IRF7: variants seen among roughly 807,000 people sequenced by gnomAD.
IRF7 encodes interferon regulatory factor 7.
In IRF7, 67 loss-of-function variants were observed where a neutral mutation model predicts 51.3. That is an observed-to-expected ratio of 1.31 (90% CI 1.07 to 1.60). IRF7 has a LOEUF of 1.60. Ranked by LOEUF, IRF7 falls within the 40% of genes most tolerant of loss-of-function variation. IRF7 has a pLI of 0.00. For missense variants in IRF7, 873 were observed against 701.5 expected (o/e 1.24, Z -2.76); for synonymous variants, 427 against 301.3 (o/e 1.42, Z -4.32).
chr11:613,341 C>T lies in IRF7; in HGVS notation c.1102G>A (p.Ala368Thr), dbSNP rs1386386997. The change falls in exon 9 of 11, where the codon GCC becomes ACC. Residue 368 changes from alanine (A) to threonine (T), a missense_variant. Transcript: ENST00000525445. The part of the protein sequence containing the change: ...HLELRGPQLW[A>T]RRMGKCKVYW... ...ACCTTGCACTTGCCCATGCGCCGGG[C>T]CCACAGCTGTGGCCCCCGAAGCTCC... 4 of 1,611,596 alleles carry T rather than the reference C, an allele frequency of 2.5e-6. No homozygotes were observed. The highest frequency in any genetic ancestry group is 3.4e-6 in the Non-Finnish European group (4 of 1,179,524).
At chr11:614,766 G>C (rs568772178) in intron 4 of IRF7, 31 bp downstream of exon 4, 26 of 1,520,510 alleles carry the variant, frequency 1.7e-5, no homozygotes, top group Non-Finnish European at 2.3e-5. Context: ...CAGGACGAAT[G>C]CCAACGCCCT....
At position 613,353 on chromosome 11, in the gene IRF7, G is replaced by GC. The variant is rs970393690; in HGVS notation, c.1089dup (p.Pro364AlafsTer38). Reference sequence around the variant, plus strand: ...CCCATGCGCCGGGCCCACAGCTGTGGCCCCCGAAGCTCCAGGTGCAACCCA... The same window carrying GC: ...CCCATGCGCCGGGCCCACAGCTGTGGCCCCCCGAAGCTCCAGGTGCAACCCA... On this transcript the variant is annotated frameshift_variant, in exon 9 of 11. Transcript: ENST00000525445. LOFTEE classifies it high-confidence loss of function. The GC allele has an allele frequency of 1.9e-5, 31 of 1,610,974 alleles. No homozygotes were observed. The highest frequency in any genetic ancestry group is 6.7e-5 in the Admixed American group (4 of 59,690).
Position 612,565 on chromosome 11 carries a change from TTC to T in IRF7, c.*78_*79del, listed in dbSNP as rs1856486981. On this transcript the variant is annotated 3_prime_UTR_variant, in exon 11 of 11. Transcript: ENST00000525445. ...CAAGATGCCAGTACGTGTTCTGGAG[TTC>T]TTTTTATTAGACTGGGCGGCCGCGG... 1 of 1,522,486 alleles carries T rather than the reference TTC, an allele frequency of 6.6e-7. No homozygotes were observed. The highest frequency in any genetic ancestry group is 2.3e-5 in the East Asian group (1 of 44,110). 94.3% of individuals were successfully genotyped at this position (1,522,486 alleles called of 1,614,324 possible).
At chr11:613,733 T>G (rs1856606017) in intron 8 of IRF7, 52 bp downstream of exon 8, 1 of 1,077,676 alleles carries the variant, frequency 9.3e-7, no homozygotes. Context: ...GGACAAGCCG[T>G]GAGTGACGGG....
Position 614,235 on chromosome 11 carries a change from G to T in IRF7, c.618C>A (p.Val206=). Residue 206 remains valine, a synonymous_variant, in exon 6 of 11, where the codon GTC becomes GTA. Coordinates refer to ENST00000525445, the MANE Select transcript of IRF7 (RefSeq NM_001572.5). The stretch of plus-strand genomic sequence containing the variant: ...GTCCCTCTCCAGGAGCCTTGGTTGG[G>T]ACTGGATCTGCCCCCCATGACGCTG... ...LLTASWGADP[V]PTKAPGEGQE... 2 of 1,613,006 alleles carry T rather than the reference G, an allele frequency of 1.2e-6. No individual in the cohort carries two copies. The highest frequency in any genetic ancestry group is 1.7e-6 in the Non-Finnish European group (2 of 1,179,926).
intron 3 of IRF7, 30 bp downstream of exon 3, chr11:615,067 C>T (rs781267861): frequency 1.3e-6 from 2 of 1,563,884 alleles, no homozygotes; most frequent in Non-Finnish European, 1.7e-6. Context: ...GGCTCTCCCA[C>T]CCGGGGCGGG....
intron 10 of IRF7, 59 bp downstream of exon 10, chr11:612,940 C>T: frequency 6.3e-7 from 1 of 1,591,572 alleles, no homozygotes. Context: ...CTGAGGGCAT[C>T]AGGCGTCTGT....
rs1306091016 is a variant in IRF7, at chr11:614,792, C to G, written c.394+5G>C. 3 of 1,533,618 alleles carry G rather than the reference C, an allele frequency of 2.0e-6. No homozygotes were observed. Among genetic ancestry groups the G allele is most frequent in the African/African-American group, 1.4e-5 (1 of 72,444 alleles). On this transcript the variant is annotated splice_donor_5th_base_variant and intron_variant, in intron 4 of 10. Transcript: ENST00000525445. ...CCAACGCCCTTGGCAGCCGGCGTCG[C>G]TCACCTCGCCAGCACAGCTCCCGGC... is the stretch of plus-strand genomic sequence containing the variant.
At position 614,847 on chromosome 11, in the gene IRF7, G is replaced by T; in HGVS notation, c.344C>A (p.Pro115Gln). 1 of 1,564,954 alleles carries T rather than the reference G, an allele frequency of 6.4e-7. No individual in the cohort carries two copies. Among genetic ancestry groups the T allele is most frequent in the Non-Finnish European group, 8.6e-7 (1 of 1,156,396 alleles). The change falls in exon 4 of 11, where the codon CCG becomes CAG. Residue 115 changes from proline (P) to glutamine (Q), a missense_variant. Transcript: ENST00000525445. ...FVMLRDNSGD[P>Q]ADPHKVYALS... ...CGCGTACACCTTGTGCGGGTCGGCC[G>T]GGTCCCCCGAGTTATCCCGCAGCAT...
At position 613,882 on chromosome 11, in the gene IRF7, A is replaced by G. The variant is rs780229684; in HGVS notation, c.767-17T>C. 1.9e-6 allele frequency: 3 copies of G among 1,599,058 alleles called. No individual in the cohort carries two copies. The highest frequency in any genetic ancestry group is 1.7e-5 in the Admixed American group (1 of 58,404). On this transcript the variant is annotated splice_polypyrimidine_tract_variant and intron_variant, in intron 7 of 10. Coordinates refer to ENST00000525445, the MANE Select transcript of IRF7 (RefSeq NM_001572.5). ...CGGCCTCGCCTGCATCCGGAAGGGA[A>G]TCCTGTGCTGGCACCTCATCCCTAG...
At position 612,999 on chromosome 11, in the gene IRF7, C is replaced by G. The variant is rs200063173; in HGVS notation, c.1356G>C (p.Lys452Asn). 13 of 1,612,648 alleles carry G rather than the reference C, an allele frequency of 8.1e-6. No individual in the cohort carries two copies. Among genetic ancestry groups the G allele is most frequent in the African/African-American group, 1.3e-5 (1 of 74,926 alleles). Reference sequence around the variant, plus strand: ...CCCCTCCTTGAGGCTCTGGTCTCACCTTCACCAGGACCAGGCTCTTCTCCT... The same window carrying G: ...CCCCTCCTTGAGGCTCTGGTCTCACGTTCACCAGGACCAGGCTCTTCTCCT... ...RPKEKSLVLV[K>N]LEPWLCRVHL... Residue 452 changes from lysine to asparagine, a missense_variant and splice_region_variant, in exon 10 of 11, where the codon AAG becomes AAC. Coordinates refer to ENST00000525445, the MANE Select transcript of IRF7 (RefSeq NM_001572.5).
chr11:615,872 C>T (rs1268643683), intron 1 of IRF7, 41 bp downstream of exon 1: 2 of 155,892 alleles, frequency 1.3e-5, no homozygotes, highest in Admixed American at 6.5e-5. Flanking sequence ...CGGAGGCTCT[C>T]GCTCCCGGCC....
In IRF7 at chr11:613,479, G is replaced by C; in HGVS notation, c.964C>G (p.Arg322Gly). ...GCTACCTGCTGGGGGTCTGTGGCCC[G>C]GACAGCTGGGTCTGGGGGGCCGTAT... ...FLYGPPDPAV[R>G]ATDPQQVAFP... is the part of the protein sequence containing the mutation. The change falls in exon 9 of 11, where the codon CGG becomes GGG. Residue 322 changes from arginine (R) to glycine (G), a missense_variant. Coordinates refer to ENST00000525445, the MANE Select transcript of IRF7 (RefSeq NM_001572.5). 6.5e-7 allele frequency: 1 copy of C among 1,542,330 alleles called. No homozygotes were observed. The highest frequency in any genetic ancestry group is 2.3e-5 in the East Asian group (1 of 44,240).
In IRF7 at chr11:612,738, C is replaced by G; in HGVS notation, c.1419G>C (p.Leu473=). The change falls in exon 11 of 11, where the codon CTG becomes CTC. Residue 473 remains leucine, a synonymous_variant. Transcript: ENST00000525445. ...EGTQREGVSS[L]DSSSLSLCLS... is the part of the protein sequence containing the mutation. ...GGCAGAGGCTGAGGCTGCTGCTATCCAGGGAAGACACACCCTCACGCTGCG... is the reference window on the plus strand; with the variant it reads ...GGCAGAGGCTGAGGCTGCTGCTATCGAGGGAAGACACACCCTCACGCTGCG... The G allele has an allele frequency of 2.5e-6, 4 of 1,612,740 alleles. No homozygotes were observed. Among genetic ancestry groups the G allele is most frequent in the Non-Finnish European group, 3.4e-6 (4 of 1,180,020 alleles).
At position 613,879 on chromosome 11, in the gene IRF7, G is replaced by GGAA. The variant is rs954818778; in HGVS notation, c.767-17_767-15dup. 3.1e-6 allele frequency: 5 copies of GGAA among 1,598,788 alleles called. No individual in the cohort carries two copies. The African/African-American group carries it at 5.4e-5, about 17-fold the overall frequency. On this transcript the variant is annotated splice_polypyrimidine_tract_variant and intron_variant, in intron 7 of 10. Transcript: ENST00000525445. ...CCGCGGCCTCGCCTGCATCCGGAAGGGAATCCTGTGCTGGCACCTCATCCC... is the reference window on the plus strand; with the variant it reads ...CCGCGGCCTCGCCTGCATCCGGAAGGGAAGAATCCTGTGCTGGCACCTCATCCC...
rs1440152200 is a variant in IRF7, at chr11:614,517, G to C, written c.412C>G (p.Gln138Glu). The change falls in exon 5 of 11, where the codon CAG (glutamine) becomes GAG (glutamate). Residue 138 changes from glutamine to glutamate, a missense_variant. Gln to Glu is a conservative substitution (Grantham distance 29, BLOSUM62 2). Transcript: ENST00000525445. ...LCWREGPGTD[Q>E]TEAEAPAAVP... ...GCTGCGGGGGCCTCTGCCTCAGTCT[G>C]GTCCGTGCCTGGGCCTTCTGAGAGA... The C allele has an allele frequency of 1.3e-6, 2 of 1,556,152 alleles. No individual in the cohort carries two copies. Among genetic ancestry groups the C allele is most frequent in the Non-Finnish European group, 1.7e-6 (2 of 1,149,546 alleles).
chr11:614,933 C>T lies in IRF7; in HGVS notation c.258G>A (p.Ala86=), dbSNP rs773208727. The change falls in exon 4 of 11, where the codon GCG becomes GCA. Residue 86 remains alanine, a synonymous_variant. Transcript: ENST00000525445. ...GGGPPPEAET[A]ERAGWKTNFR... ...AGTTGGTTTTCCAGCCGGCGCGCTC[C>T]GCAGTCTCAGCCTCGGGGGGCGGGC... The T allele has an allele frequency of 5.1e-6, 8 of 1,581,678 alleles. No individual in the cohort carries two copies. The highest frequency in any genetic ancestry group is 4.6e-5 in the East Asian group (2 of 43,938).
chr11:613,768 TCCTG>T lies in IRF7; in HGVS notation c.847+13_847+16del. ...GGGTGGGCGGGGACAGGCTGCCCCT[TCCTG>T]GGATGCACTCACCTTGCACCGCGGT... On this transcript the variant is annotated intron_variant, in intron 8 of 10. Coordinates refer to ENST00000525445, the MANE Select transcript of IRF7 (RefSeq NM_001572.5). The T allele has an allele frequency of 6.6e-7, 1 of 1,516,156 alleles. No individual in the cohort carries two copies. The highest frequency in any genetic ancestry group is 8.8e-7 in the Non-Finnish European group (1 of 1,137,928). The allele number at this position is 1,516,156 out of a possible 1,614,324, so 93.9% of individuals were successfully genotyped here.
At position 613,949 on chromosome 11, in the gene IRF7, A is replaced by G. The variant is rs1320860407; in HGVS notation, c.766+2T>C. On this transcript the variant is annotated splice_donor_variant, in intron 7 of 10. Transcript: ENST00000525445. LOFTEE classifies it high-confidence loss of function. ...AGGCCTCCCAACCCCTACCCCTCTCACCTGTCGTTAGTGCCGCGGGCTGGG... is the reference window on the plus strand; with the variant it reads ...AGGCCTCCCAACCCCTACCCCTCTCGCCTGTCGTTAGTGCCGCGGGCTGGG... The G allele has an allele frequency of 6.2e-6, 10 of 1,604,148 alleles. No individual in the cohort carries two copies. Among genetic ancestry groups the G allele is most frequent in the Non-Finnish European group, 8.5e-6 (10 of 1,176,944 alleles).
Sources: allele counts gnomAD v4.1 joint callset, GRCh38; gene constraint gnomAD v4.1.1; transcripts MANE v1.5; gene names NCBI Gene and HGNC (gene_info 2026-07-23, HGNC 2026-07-21).